Variants in GPR176 observed in about 807,000 individuals in gnomAD.
The protein encoded by GPR176 is G protein-coupled receptor 176.
A neutral mutation model predicts 35.4 loss-of-function variants in GPR176; 26 were observed. That is an observed-to-expected ratio of 0.74 (90% CI 0.54 to 1.02). The LOEUF is 1.02. Ranked by LOEUF, GPR176 falls within the 50% of genes least tolerant of loss-of-function variation. The pLI is 0.00. For synonymous variants in GPR176, 278 were observed against 271.3 expected, an observed-to-expected ratio of 1.02 and a Z score of -0.24; for missense variants, 597 against 665.3, an observed-to-expected ratio of 0.90 and a Z score of 1.13.
intron 1 of GPR176, among the ~76,000 whole-genome samples, chr15:39,902,789 T>A (rs546364800): frequency 2.6e-5 from 4 of 152,132 alleles, no homozygotes; most frequent in African/African-American, 4.8e-5. Flanking sequence ...CAAAAAGTAG[T>A]TGTAATTAAA....
intron 1 of GPR176, among the ~76,000 whole-genome samples, chr15:39,889,012 G>A (rs1052798585): frequency 5.3e-5 from 8 of 152,252 alleles, no homozygotes; most frequent in South Asian, 2.1e-4. Context: ...CAGAGATTAC[G>A]TTAGAACCTT....
chr15:39,808,366 G>A (rs966656716), intron 1 of GPR176, among the ~76,000 whole-genome samples: 1 of 152,112 alleles, frequency 6.6e-6, no homozygotes, highest in Non-Finnish European at 1.5e-5. Context: ...TAGTCTTTGT[G>A]CCATTCCTGA....
chr15:39,912,192 G>A (rs1245705454), intron 1 of GPR176, among the ~76,000 whole-genome samples: 1 of 151,972 alleles, frequency 6.6e-6, no homozygotes, highest in Non-Finnish European at 1.5e-5. Flanking sequence ...TTTTGCCTAG[G>A]GTAAATCCTT....
intron 1 of GPR176, among the ~76,000 whole-genome samples, chr15:39,833,628 C>A (rs373697238): frequency 1.8e-4 from 27 of 152,210 alleles, no homozygotes; most frequent in East Asian, 1.7e-3. Flanking sequence ...GTGAATCATA[C>A]AACAAACAGC....
intron 1 of GPR176, among the ~76,000 whole-genome samples, chr15:39,832,015 C>CAA (rs1901117275): frequency 6.6e-6 from 1 of 151,884 alleles, no homozygotes; most frequent in African/African-American, 2.4e-5. Flanking sequence ...CACACACACA[C>CAA]ACACACACAC....
intron 1 of GPR176, among the ~76,000 whole-genome samples, chr15:39,868,033 A>T (rs1035010859): frequency 1.3e-5 from 2 of 152,100 alleles, no homozygotes; most frequent in Non-Finnish European, 2.9e-5. Context: ...CCACCTGTTA[A>T]GATAATAAAT....
At chr15:39,908,440 C>T (rs1188318187) in intron 1 of GPR176, among the ~76,000 whole-genome samples, 4 of 152,142 alleles carry the variant, frequency 2.6e-5, no homozygotes, top group South Asian at 2.1e-4. Context: ...GGATATGAAT[C>T]GTACATCTGA....
chr15:39,804,285 G>A (rs2140777569), intron 2 of GPR176, among the ~76,000 whole-genome samples: 1 of 152,332 alleles, frequency 6.6e-6, no homozygotes, highest in African/African-American at 2.4e-5. Flanking sequence ...TTAGTACCAT[G>A]AAATGAATAG....
At chr15:39,864,559 A>C (rs2031747170) in intron 1 of GPR176, among the ~76,000 whole-genome samples, 1 of 152,166 alleles carries the variant, frequency 6.6e-6, no homozygotes, top group Non-Finnish European at 1.5e-5. Flanking sequence ...AAACCTAGGA[A>C]ATGGGAACAG....
At chr15:39,880,651 T>C (rs569684709) in intron 1 of GPR176, among the ~76,000 whole-genome samples, 21 of 152,086 alleles carry the variant, frequency 1.4e-4, no homozygotes, top group Non-Finnish European at 2.5e-4. Context: ...CTCAATCTCT[T>C]TCACACTCTC....
chr15:39,802,369 A>G, intron 2 of GPR176, 115 bp from the exon 3 acceptor site: 1 of 799,716 alleles, frequency 1.3e-6, no homozygotes, highest in Non-Finnish European at 1.9e-6. Context: ...TATTCGGCCT[A>G]AGACAGAAAA....
intron 1 of GPR176, among the ~76,000 whole-genome samples, chr15:39,912,609 C>A (rs1269655841): frequency 1.3e-5 from 2 of 149,928 alleles, no homozygotes; most frequent in Middle Eastern, 3.4e-3. Context: ...CAGAGTGAGA[C>A]CCTGTCTCAA....
chr15:39,812,572 C>T (rs1566937172), intron 1 of GPR176, among the ~76,000 whole-genome samples: 1 of 152,108 alleles, frequency 6.6e-6, no homozygotes, highest in South Asian at 2.1e-4. Context: ...CTTGAACTGG[C>T]TTCCTGGCTC....
intron 1 of GPR176, among the ~76,000 whole-genome samples, chr15:39,832,024 ACAC>A (rs1422557960): frequency 1.3e-5 from 2 of 149,190 alleles, no homozygotes; most frequent in Non-Finnish European, 3.0e-5. Context: ...ACACACACAC[ACAC>A]CATGTTCCAG....
intron 1 of GPR176, among the ~76,000 whole-genome samples, chr15:39,831,998 A>G (rs1338755067): frequency 8.7e-6 from 1 of 115,058 alleles, no homozygotes; most frequent in African/African-American, 3.7e-5. Flanking sequence ...GTGCATGCAC[A>G]CACACACACA....
intron 1 of GPR176, among the ~76,000 whole-genome samples, chr15:39,914,557 G>A (rs1324581910): frequency 7.2e-5 from 11 of 152,038 alleles, no homozygotes; most frequent in South Asian, 4.2e-4. Context: ...TGATCTGCCC[G>A]CCTTGGCCTC....
rs201607298 is a variant in GPR176, at chr15:39,801,260, G to A, written c.1420C>T (p.Arg474Trp). The A allele has an allele frequency of 1.9e-5, 31 of 1,613,964 alleles. No individual in the cohort carries two copies. The highest frequency in any genetic ancestry group is 1.6e-4 in the Middle Eastern group (1 of 6,084). ...WLSETRNSKKRLLPPLGNTPE... is the reference protein window; with the variant it reads ...WLSETRNSKKWLLPPLGNTPE... Reference sequence around the variant, plus strand: ...GTGTTGCCCAAGGGGGGAAGCAGCCGCTTCTTGCTGTTTCGGGTCTCTGAG... The same window carrying A: ...GTGTTGCCCAAGGGGGGAAGCAGCCACTTCTTGCTGTTTCGGGTCTCTGAG... Residue 474 changes from arginine (R) to tryptophan (W), a missense_variant, in exon 3 of 3, where the codon CGG becomes TGG. Coordinates refer to ENST00000561100, the MANE Select transcript of GPR176 (RefSeq NM_007223.3).
chr15:39,801,370 G>A lies in GPR176; in HGVS notation c.1310C>T (p.Ala437Val), dbSNP rs898035137. The change falls in exon 3 of 3, where the codon GCA becomes GTA. Residue 437 changes from alanine (A) to valine (V), a missense_variant. Around this residue, in one of 3 missense-constraint regions of GPR176, gnomAD observed 251 missense variants for 255.4 expected, o/e 0.98. Coordinates refer to ENST00000561100, the MANE Select transcript of GPR176 (RefSeq NM_007223.3). ...TVDSVSQVAP[A>V]APVEPETFPD... ...GAATGTTTCAGGTTCCACAGGGGCT[G>A]CCGGTGCCACCTGGGATACAGAGTC... 1.1e-5 allele frequency: 18 copies of A among 1,614,178 alleles called. No homozygotes were observed. Among genetic ancestry groups the A allele is most frequent in the Non-Finnish European group, 1.5e-5 (18 of 1,180,014 alleles).
intron 2 of GPR176, 128 bp downstream of exon 2, chr15:39,806,878 C>G: frequency 1.2e-6 from 1 of 804,342 alleles, no homozygotes; most frequent in South Asian, 2.0e-5. Flanking sequence ...CATTTATTCC[C>G]TTTCTGTTGA....
Sources: allele counts gnomAD v4.1 joint callset (sites outside exome capture counted in the v4.1 genomes callset), GRCh38; gene constraint gnomAD v4.1.1; regional missense constraint gnomAD v4.1.1; transcripts MANE v1.5; gene names NCBI Gene and HGNC (gene_info 2026-07-23, HGNC 2026-07-21).